Variants in RAB3C observed in about 807,000 individuals in gnomAD.
The protein encoded by RAB3C is RAB3C, member RAS oncogene family.
A neutral mutation model predicts 26.4 loss-of-function variants in RAB3C; 17 were observed. The observed-to-expected ratio is 0.64, with a 90% CI of 0.44 to 0.97. The LOEUF (loss-of-function observed/expected upper bound fraction) is 0.97, where lower values mean the gene tolerates loss of function less well. RAB3C is among the 50% of genes least tolerant of loss of function. The pLI is 0.00. For synonymous variants in RAB3C, 91 were observed against 95.9 expected, an observed-to-expected ratio of 0.95 and a Z score of 0.30; for missense variants, 242 against 281.9, an observed-to-expected ratio of 0.86 and a Z score of 1.01.
intron 3 of RAB3C, among the ~76,000 whole-genome samples, chr5:58,729,764 CAT>C (rs1464255369): frequency 7.1e-6 from 1 of 141,398 alleles, no homozygotes; most frequent in Non-Finnish European, 1.5e-5. Flanking sequence ...TATATATACA[CAT>C]ATACATATAC....
intron 3 of RAB3C, among the ~76,000 whole-genome samples, chr5:58,819,890 T>C (rs1386982575): frequency 6.6e-6 from 1 of 152,150 alleles, no homozygotes; most frequent in Non-Finnish European, 1.5e-5. Flanking sequence ...GACATTGAGA[T>C]ATGCCTTTTC....
chr5:58,596,289 G>T (rs1746246690), intron 1 of RAB3C, among the ~76,000 whole-genome samples: 1 of 151,586 alleles, frequency 6.6e-6, no homozygotes, highest in Admixed American at 6.6e-5. Context: ...TTTTCAGCAG[G>T]CTTAGGATTC....
In RAB3C at chr5:58,715,750, C is replaced by T. The variant is rs748833359; in HGVS notation, c.253-10252C>T. ...TAGTATCTGGTAGCATCATACAAGA[C>T]GATGAGAGAGAATGAAGATCAGAAG... On this transcript the variant is annotated intron_variant, in intron 2 of 4. Coordinates refer to ENST00000282878, the MANE Select transcript of RAB3C (RefSeq NM_138453.4). 2.0e-5 allele frequency among the ~76,000 whole-genome samples: 3 copies of T among 151,884 alleles called. 1 individual carries two copies. Among genetic ancestry groups the T allele is most frequent in the African/African-American group, 4.8e-5 (2 of 41,344 alleles).
chr5:58,839,922 T>C (rs2112078261), intron 4 of RAB3C, among the ~76,000 whole-genome samples: 1 of 151,506 alleles, frequency 6.6e-6, no homozygotes, highest in Admixed American at 6.6e-5. Context: ...TTTTTTTTTT[T>C]CTTTTGGTAC....
intron 2 of RAB3C, among the ~76,000 whole-genome samples, chr5:58,650,897 G>A (rs1395491672): frequency 6.6e-6 from 1 of 152,124 alleles, no homozygotes; most frequent in Non-Finnish European, 1.5e-5. Flanking sequence ...AAAGAAAAGG[G>A]GAAAACTAGG....
Position 58,746,308 on chromosome 5 carries a change from G to A in RAB3C, c.371+20188G>A, listed in dbSNP as rs367916619. ...ACATTGTCCTGTGCATTATCAGGCA[G>A]TCTACACTTTTTATCACCTTTCCAA... is the stretch of plus-strand genomic sequence containing the variant. On this transcript the variant is annotated intron_variant, in intron 3 of 4. Coordinates refer to ENST00000282878, the MANE Select transcript of RAB3C (RefSeq NM_138453.4). Among the ~76,000 whole-genome samples the A allele has an allele frequency of 4.2e-4, 64 of 152,280 alleles. No homozygotes were observed. In the East Asian group the frequency reaches 8.1e-3, roughly 19 times the overall value.
intron 1 of RAB3C, among the ~76,000 whole-genome samples, chr5:58,590,487 A>G (rs1022551077): frequency 1.3e-5 from 2 of 152,114 alleles, no homozygotes; most frequent in Non-Finnish European, 2.9e-5. Context: ...CTTACTTAGT[A>G]GAAGCTTTTC....
chr5:58,613,763 A>G (rs1274213946), intron 1 of RAB3C, among the ~76,000 whole-genome samples: 1 of 152,120 alleles, frequency 6.6e-6, no homozygotes, highest in Non-Finnish European at 1.5e-5. Flanking sequence ...AAAGCCACAC[A>G]TGGGACTTTG....
At chr5:58,661,221 T>C (rs773287213) in intron 2 of RAB3C, among the ~76,000 whole-genome samples, 6 of 150,270 alleles carry the variant, frequency 4.0e-5, no homozygotes, top group Admixed American at 1.3e-4. Flanking sequence ...TCATTAGAAT[T>C]TTGTGACCTA....
At chr5:58,830,462 G>A (rs1743589147) in intron 4 of RAB3C, among the ~76,000 whole-genome samples, 1 of 152,040 alleles carries the variant, frequency 6.6e-6, no homozygotes, top group Non-Finnish European at 1.5e-5. Context: ...CATATGTTGT[G>A]GTACCACTCT....
intron 2 of RAB3C, among the ~76,000 whole-genome samples, chr5:58,645,698 A>G (rs1747502730): frequency 6.6e-6 from 1 of 152,184 alleles, no homozygotes; most frequent in African/African-American, 2.4e-5. Context: ...ATTTTCATGG[A>G]AGAGTGCAGG....
chr5:58,696,981 C>T (rs1052431284), intron 2 of RAB3C, among the ~76,000 whole-genome samples: 1 of 152,042 alleles, frequency 6.6e-6, no homozygotes, highest in Non-Finnish European at 1.5e-5. Flanking sequence ...AATGTGTTTG[C>T]TCTTACTTCT....
intron 2 of RAB3C, among the ~76,000 whole-genome samples, chr5:58,686,847 G>A (rs1481593312): frequency 6.6e-6 from 1 of 152,012 alleles, no homozygotes; most frequent in African/African-American, 2.4e-5. Flanking sequence ...CAGTTGTCCA[G>A]CCCATTGACC....
At chr5:58,702,394 G>A (rs1182209110) in intron 2 of RAB3C, among the ~76,000 whole-genome samples, 1 of 152,014 alleles carries the variant, frequency 6.6e-6, no homozygotes, top group Non-Finnish European at 1.5e-5. Context: ...TGCACTTTAG[G>A]CTATTCTTGC....
intron 3 of RAB3C, among the ~76,000 whole-genome samples, chr5:58,739,442 A>G (rs754346873): frequency 6.6e-6 from 1 of 152,208 alleles, no homozygotes; most frequent in Non-Finnish European, 1.5e-5. Flanking sequence ...TTATCTTTGC[A>G]GTGCAGTTAA....
At chr5:58,764,522 A>G (rs913067835) in intron 3 of RAB3C, among the ~76,000 whole-genome samples, 5 of 152,302 alleles carry the variant, frequency 3.3e-5, no homozygotes, top group African/African-American at 1.2e-4. Flanking sequence ...TCCACAAGCC[A>G]TTTTCAATTA....
At chr5:58,818,529 G>A (rs79102806) in intron 3 of RAB3C, among the ~76,000 whole-genome samples, 2,592 of 152,254 alleles carry the variant, frequency 0.017, 35 homozygotes, top group Admixed American at 0.048. Flanking sequence ...TTAGCTAAAT[G>A]GCAAGTAAAT....
chr5:58,823,108 G>A (rs1743380834), intron 3 of RAB3C: 1 of 470,962 alleles, frequency 2.1e-6, no homozygotes, highest in Non-Finnish European at 4.1e-6. Context: ...AACACATCAT[G>A]GGTCAGAATG....
intron 2 of RAB3C, among the ~76,000 whole-genome samples, chr5:58,718,340 T>C (rs1749216625): frequency 6.6e-6 from 1 of 152,070 alleles, no homozygotes; most frequent in Admixed American, 6.6e-5. Context: ...AGTGTTTAAA[T>C]AGCATTTACT....
Sources: allele counts gnomAD v4.1 joint callset (sites outside exome capture counted in the v4.1 genomes callset), GRCh38; gene constraint gnomAD v4.1.1; transcripts MANE v1.5; gene names NCBI Gene and HGNC (gene_info 2026-07-23, HGNC 2026-07-21).